The following NBAS variants were observed in gnomAD, a reference collection of about 807,000 sequenced individuals.
The protein encoded by NBAS is NAG/BC035112 fusion.
Under a neutral mutation model 302.5 loss-of-function variants are expected in NBAS, and 219 were observed. The ratio of observed to expected loss-of-function variants is 0.72; its 90% confidence interval spans 0.65 to 0.81. The LOEUF (loss-of-function observed/expected upper bound fraction) is 0.81, where lower values mean the gene tolerates loss of function less well. Among genes scored for constraint, NBAS ranks in the 30% least tolerant of loss-of-function variants. The pLI, the probability that NBAS is intolerant of heterozygous loss-of-function variation, is 0.00. For missense variants in NBAS, 2,932 were observed against 2,841.6 expected, an observed-to-expected ratio of 1.03 and a Z score of -0.72; for synonymous variants, 1,118 against 1,021.6, an observed-to-expected ratio of 1.09 and a Z score of -1.80.
chr2:15,075,360 G>T, the NBAS span, among the ~76,000 whole-genome samples: 1 of 152,072 alleles, frequency 6.6e-6, no homozygotes, highest in Admixed American at 6.6e-5. Flanking sequence ...CTGCCCTCTG[G>T]CCTCCTGTTG....
intron 21 of NBAS, among the ~76,000 whole-genome samples, chr2:15,436,704 C>T (rs773366939): frequency 1.3e-5 from 2 of 152,146 alleles, no homozygotes; most frequent in Admixed American, 1.3e-4. Context: ...GTTCCCAGAC[C>T]AAGCTTATCA....
At chr2:14,834,404 T>C in the NBAS span, among the ~76,000 whole-genome samples, 13 of 152,146 alleles carry the variant, frequency 8.5e-5, no homozygotes, top group African/African-American at 3.1e-4. Context: ...TTTCAAGGCC[T>C]ACTGCAGATG....
rs996070698 is a variant in NBAS, at chr2:15,452,444, C to T, written c.2339+8757G>A. On this transcript the variant is annotated intron_variant, in intron 21 of 51. Coordinates refer to ENST00000281513, the MANE Select transcript of NBAS (RefSeq NM_015909.4). Reference sequence around the variant, plus strand: ...CCCCGTCTCTACTAAAAAAATTAGTCGGGCGTGGTGGCGGGTGCCTGTAGT... The same window carrying T: ...CCCCGTCTCTACTAAAAAAATTAGTTGGGCGTGGTGGCGGGTGCCTGTAGT... Among the ~76,000 whole-genome samples, 27 of 51,490 alleles carry T rather than the reference C, an allele frequency of 5.2e-4. 1 individual carries two copies. The highest frequency in any genetic ancestry group is 3.2e-3 in the Admixed American group (19 of 5,906). 33.8% of individuals were successfully genotyped at this position (51,490 alleles called of 152,430 possible). A position where few individuals can be genotyped will look rare whatever the true frequency, so the allele number is the denominator to read the frequency against.
chr2:15,538,607 C>T (rs1286987036), intron 7 of NBAS, among the ~76,000 whole-genome samples: 1 of 152,100 alleles, frequency 6.6e-6, no homozygotes, highest in East Asian at 1.9e-4. Context: ...CTATCTGACC[C>T]TGTATCTCGT....
intron 27 of NBAS, 28 bp downstream of exon 27, chr2:15,396,385 G>GAAAA: frequency 1.5e-6 from 2 of 1,302,874 alleles, no homozygotes; most frequent in Non-Finnish European, 2.1e-6. Flanking sequence ...TAAGCATGGA[G>GAAAA]AAAAAAAAAA....
the NBAS span, among the ~76,000 whole-genome samples, chr2:14,946,602 C>T: frequency 2.0e-5 from 3 of 152,120 alleles, no homozygotes; most frequent in African/African-American, 4.8e-5. Flanking sequence ...CAAAGGACTT[C>T]AACACCCCAC....
At chr2:14,873,465 C>G in the NBAS span, among the ~76,000 whole-genome samples, 1 of 152,130 alleles carries the variant, frequency 6.6e-6, no homozygotes, top group Non-Finnish European at 1.5e-5. Context: ...GATCCACACG[C>G]CTTCGCCTCC....
the NBAS span, among the ~76,000 whole-genome samples, chr2:14,966,018 A>G: frequency 2.6e-5 from 4 of 152,196 alleles, no homozygotes; most frequent in African/African-American, 7.2e-5. Flanking sequence ...AGATAAAGAG[A>G]CACAAGAAGG....
intron 31 of NBAS, among the ~76,000 whole-genome samples, chr2:15,372,577 A>G (rs10207209): frequency 0.63 from 95,944 of 152,050 alleles, 30,995 homozygotes; most frequent in Middle Eastern, 0.69. Flanking sequence ...TGGCATCTGT[A>G]AGATAAACAC....
rs1678121830 is a variant in NBAS at position 15,438,093 on chromosome 2, G to C, written c.2340-10299C>G. 4.6e-5 allele frequency among the ~76,000 whole-genome samples: 7 copies of C among 152,182 alleles called. No individual in the cohort carries two copies. The South Asian group carries it at 1.4e-3, about 32-fold the overall frequency. ...TACATTGCAGCTTTGCTTATTTGTT[G>C]TTCGCAGTAATGAAAAGTCCATGTG... On this transcript the variant is annotated intron_variant, in intron 21 of 51. Coordinates refer to ENST00000281513, the MANE Select transcript of NBAS (RefSeq NM_015909.4).
chr2:15,213,865 C>A (rs1379673883), intron 48 of NBAS, among the ~76,000 whole-genome samples: 1 of 152,166 alleles, frequency 6.6e-6, no homozygotes, highest in Non-Finnish European at 1.5e-5. Context: ...GTTCTGTCAA[C>A]TTTAATCATT....
intron 47 of NBAS, 86 bp downstream of exon 47, chr2:15,232,336 A>T: frequency 7.8e-7 from 1 of 1,290,228 alleles, no homozygotes; most frequent in Non-Finnish European, 1.1e-6. Flanking sequence ...TAGTCTTGGA[A>T]GCCTCATACA....
chr2:14,817,297 A>G, the NBAS span, among the ~76,000 whole-genome samples: 1 of 151,186 alleles, frequency 6.6e-6, no homozygotes, highest in Non-Finnish European at 1.5e-5. Context: ...TGCCTGGAAA[A>G]CTCCTAGGTT....
rs373995235 is a variant in NBAS at position 15,376,251 on chromosome 2, ACAAT to A, written c.3591-1535_3591-1532del. ...TGAAATACATCCAGGCTCACAGGTC[ACAAT>A]CAGTTTGGTACCACATTATACACAC... is the stretch of plus-strand genomic sequence containing the variant. On this transcript the variant is annotated intron_variant, in intron 30 of 51. Coordinates refer to ENST00000281513, the MANE Select transcript of NBAS (RefSeq NM_015909.4). Among the ~76,000 whole-genome samples the A allele has an allele frequency of 3.2e-3, 493 of 152,212 alleles. 6 individuals are homozygous for A. The highest frequency in any genetic ancestry group is 0.011 in the African/African-American group (460 of 41,536).
downstream of NBAS, among the ~76,000 whole-genome samples, chr2:15,163,401 A>T (rs1663941571): frequency 6.6e-6 from 1 of 152,226 alleles, no homozygotes; most frequent in Admixed American, 6.5e-5. Context: ...GAAGCCAGTG[A>T]CATAAACCCT....
chr2:14,800,793 T>TTTTG, the NBAS span, among the ~76,000 whole-genome samples: 2 of 149,612 alleles, frequency 1.3e-5, no homozygotes, highest in African/African-American at 4.9e-5. Flanking sequence ...TTGTTTTTGT[T>TTTTG]TTTTTTTTTT....
At chr2:15,382,005 T>C (rs1675057625) in intron 29 of NBAS, among the ~76,000 whole-genome samples, 2 of 152,230 alleles carry the variant, frequency 1.3e-5, no homozygotes, top group Admixed American at 1.3e-4. Flanking sequence ...TATGATTTTG[T>C]GTCTGGCTTA....
chr2:14,920,646 T>A, the NBAS span, among the ~76,000 whole-genome samples: 31 of 152,204 alleles, frequency 2.0e-4, no homozygotes, highest in African/African-American at 7.0e-4. Flanking sequence ...TACTACAGCT[T>A]CTACATCAAT....
At chr2:15,275,333 C>T in intron 44 of NBAS, 151 bp downstream of exon 44, 2 of 856,058 alleles carry the variant, frequency 2.3e-6, no homozygotes, top group Non-Finnish European at 3.5e-6. Flanking sequence ...AATTAAAACA[C>T]CTCATTCACA....
Sources: gnomAD v4.1 joint callset for allele counts (sites outside exome capture counted in the v4.1 genomes callset) on GRCh38, gnomAD v4.1.1 for gene constraint, MANE v1.5 for transcripts, NCBI Gene and HGNC (gene_info 2026-07-23, HGNC 2026-07-21) for gene names.